The following CNTLN variants were observed in gnomAD, a reference collection of about 807,000 sequenced individuals.
The protein encoded by CNTLN is centlein, also known as centlein, centrosomal protein.
In CNTLN, 212 loss-of-function variants were observed where a neutral mutation model predicts 180.0. The ratio of observed to expected loss-of-function variants is 1.18; its 90% CI spans 1.05 to 1.32. CNTLN has a LOEUF of 1.32. Ranked by LOEUF, CNTLN falls within the 40% of genes most tolerant of loss-of-function variation. The pLI is 0.00. For missense variants in CNTLN, 2,095 were observed against 1,610.9 expected, an observed-to-expected ratio of 1.30 and a Z score of -5.14; for synonymous variants, 722 against 563.1, an observed-to-expected ratio of 1.28 and a Z score of -3.99.
At chr9:17,410,250 T>G (rs1827737007) in intron 16 of CNTLN, among the ~76,000 whole-genome samples, 1 of 152,150 alleles carries the variant, frequency 6.6e-6, no homozygotes, top group Admixed American at 6.5e-5. Flanking sequence ...TACTTTTTCA[T>G]GTATGTTGAG....
At chr9:17,294,033 G>A (rs1432868217) in intron 6 of CNTLN, among the ~76,000 whole-genome samples, 10 of 152,172 alleles carry the variant, frequency 6.6e-5, no homozygotes, top group South Asian at 2.1e-4. Context: ...TAAAAGCGGC[G>A]TGTCCGGAGT....
intron 5 of CNTLN, among the ~76,000 whole-genome samples, chr9:17,261,807 T>C (rs1361279015): frequency 2.0e-5 from 3 of 151,366 alleles, no homozygotes; most frequent in African/African-American, 7.4e-5. Context: ...ACCTACAGAA[T>C]GAAAGAAAAT....
At chr9:17,249,545 T>C (rs1023537660) in intron 5 of CNTLN, among the ~76,000 whole-genome samples, 1 of 152,002 alleles carries the variant, frequency 6.6e-6, no homozygotes, top group African/African-American at 2.4e-5. Flanking sequence ...GAGACAGTGT[T>C]TCACCATGTT....
chr9:17,195,000 C>T lies in CNTLN; in HGVS notation c.450-31203C>T, dbSNP rs929588317. The stretch of plus-strand genomic sequence containing the variant: ...ACCATGAGAACAGTATGGGGGAAAC[C>T]GCCCCCATAATTCAAATGGTCTCCC... On this transcript the variant is annotated intron_variant, in intron 2 of 25. Coordinates refer to ENST00000380647, the MANE Select transcript of CNTLN (RefSeq NM_017738.4). Among the ~76,000 whole-genome samples, 4 of 152,180 alleles carry T rather than the reference C, an allele frequency of 2.6e-5. No individual in the cohort carries two copies. In the East Asian group the frequency reaches 5.8e-4, roughly 22 times the overall value.
At chr9:17,226,857 A>G (rs1055741930) in intron 3 of CNTLN, among the ~76,000 whole-genome samples, 1 of 152,084 alleles carries the variant, frequency 6.6e-6, no homozygotes, top group East Asian at 1.9e-4. Flanking sequence ...TCATATGGTT[A>G]TAGCAGGAGC....
At chr9:17,383,022 T>G (rs1477619546) in intron 13 of CNTLN, among the ~76,000 whole-genome samples, 3 of 152,126 alleles carry the variant, frequency 2.0e-5, no homozygotes, top group African/African-American at 7.2e-5. Flanking sequence ...AGAAAAGACC[T>G]CCTCATCTTT....
At chr9:17,371,326 A>G (rs1266648963) in intron 13 of CNTLN, among the ~76,000 whole-genome samples, 1 of 152,178 alleles carries the variant, frequency 6.6e-6, no homozygotes, top group Admixed American at 6.5e-5. Flanking sequence ...GAGTAGCTAT[A>G]CTTATATCAG....
rs201815103 is a variant in CNTLN, at chr9:17,394,999, T to A, written c.2545T>A (p.Ser849Thr). 2 of 1,613,610 alleles carry A rather than the reference T, an allele frequency of 1.2e-6. No individual in the cohort carries two copies. The highest frequency in any genetic ancestry group is 2.2e-5 in the East Asian group (1 of 44,866). ...VGRHHTVLNH[S>T]IKVMSNVFEN... is the part of the protein sequence containing the mutation. ...TCGTCACCACACTGTTCTCAATCATTCCATCAAGGTTATGAGCAATGTGTT... is the reference window on the plus strand; with the variant it reads ...TCGTCACCACACTGTTCTCAATCATACCATCAAGGTTATGAGCAATGTGTT... Residue 849 changes from serine (S) to threonine (T), a missense_variant, in exon 15 of 26, where the codon TCC (serine) becomes ACC (threonine). Physicochemically the swap from Ser to Thr is moderately conservative, Grantham distance 58. Coordinates refer to ENST00000380647, the MANE Select transcript of CNTLN (RefSeq NM_017738.4).
intron 6 of CNTLN, among the ~76,000 whole-genome samples, chr9:17,276,683 C>T (rs1587457469): frequency 6.6e-6 from 1 of 151,918 alleles, no homozygotes; most frequent in Non-Finnish European, 1.5e-5. Flanking sequence ...AATATGGATA[C>T]TAAAATCTAC....
the CNTLN span, among the ~76,000 whole-genome samples, chr9:17,509,065 C>G: frequency 6.6e-6 from 1 of 152,352 alleles, no homozygotes; most frequent in Middle Eastern, 3.4e-3. Flanking sequence ...CAGCTTCTTT[C>G]TCCAACCACC....
chr9:17,443,636 CT>C (rs1432674402), intron 18 of CNTLN, among the ~76,000 whole-genome samples: 1 of 152,102 alleles, frequency 6.6e-6, no homozygotes, highest in Non-Finnish European at 1.5e-5. Flanking sequence ...AATATATTGT[CT>C]TAGTTGACTG....
chr9:17,267,077 C>T (rs1827520182), intron 5 of CNTLN, among the ~76,000 whole-genome samples: 1 of 152,094 alleles, frequency 6.6e-6, no homozygotes, highest in East Asian at 1.9e-4. Context: ...TTGGGCCTGT[C>T]ATTATGATGT....
At chr9:17,200,831 T>A (rs1587117474) in intron 2 of CNTLN, among the ~76,000 whole-genome samples, 2 of 152,154 alleles carry the variant, frequency 1.3e-5, no homozygotes, top group East Asian at 3.8e-4. Flanking sequence ...ATTTATTTCT[T>A]TTGCCTGATT....
At chr9:17,517,571 G>A in the CNTLN span, among the ~76,000 whole-genome samples, 35 of 152,076 alleles carry the variant, frequency 2.3e-4, no homozygotes, top group Admixed American at 6.6e-5. Flanking sequence ...TACACACAGA[G>A]GGAAGAGGAC....
chr9:17,146,846 T>C (rs967231548), intron 2 of CNTLN, among the ~76,000 whole-genome samples: 55 of 152,158 alleles, frequency 3.6e-4, no homozygotes, highest in African/African-American at 1.3e-3. Flanking sequence ...TTTAATAGAA[T>C]AATTTTTTAA....
chr9:17,363,252 T>G (rs566879592), intron 12 of CNTLN, among the ~76,000 whole-genome samples: 1 of 152,208 alleles, frequency 6.6e-6, no homozygotes, highest in Non-Finnish European at 1.5e-5. Flanking sequence ...ATGGGATTGC[T>G]GGGTCAAATA....
chr9:17,383,739 G>A (rs911228286), intron 13 of CNTLN, among the ~76,000 whole-genome samples: 9 of 151,656 alleles, frequency 5.9e-5, no homozygotes, highest in African/African-American at 2.2e-4. Context: ...CTGGGTTCAC[G>A]CCATTCTCCT....
intron 2 of CNTLN, among the ~76,000 whole-genome samples, chr9:17,187,629 C>T (rs1821514149): frequency 6.6e-6 from 1 of 151,774 alleles, no homozygotes; most frequent in African/African-American, 2.4e-5. Flanking sequence ...CTAGCATTTT[C>T]TTATTTTCCC....
At chr9:17,428,340 C>T (rs569586402) in intron 18 of CNTLN, among the ~76,000 whole-genome samples, 4 of 152,232 alleles carry the variant, frequency 2.6e-5, no homozygotes, top group Admixed American at 6.5e-5. Context: ...GTGCTTACTA[C>T]GTACAGGGCA....
Sources: allele counts gnomAD v4.1 joint callset (sites outside exome capture counted in the v4.1 genomes callset), GRCh38; gene constraint gnomAD v4.1.1; transcripts MANE v1.5; gene names NCBI Gene and HGNC (gene_info 2026-07-23, HGNC 2026-07-21).